Variants in ATIC observed in about 807,000 individuals in gnomAD.
The protein encoded by ATIC is 5-aminoimidazole-4-carboxamide ribonucleotide formyltransferase/IMP cyclohydrolase.
Under a neutral mutation model 72.5 loss-of-function variants are expected in ATIC, and 64 were observed. The observed-to-expected ratio is 0.88, with a 90% CI of 0.72 to 1.09. ATIC has a LOEUF of 1.09. ATIC is among the 50% of genes least tolerant of loss of function. The probability of loss-of-function intolerance (pLI) is 0.00; values close to 1 mark genes in which losing one functional copy is unlikely to be tolerated. For missense variants in ATIC, 787 were observed against 732.4 expected (o/e 1.07, Z -0.86); for synonymous variants, 281 against 267.1 (o/e 1.05, Z -0.51).
intron 8 of ATIC, among the ~76,000 whole-genome samples, chr2:215,332,875 T>A (rs779444909): frequency 6.6e-6 from 1 of 152,254 alleles, no homozygotes; most frequent in Non-Finnish European, 1.5e-5. Flanking sequence ...ATAGTCGTTG[T>A]ATGAGATACT....
At chr2:215,323,863 TCC>T (rs1192608588) in intron 4 of ATIC, among the ~76,000 whole-genome samples, 1 of 152,192 alleles carries the variant, frequency 6.6e-6, no homozygotes, top group African/African-American at 2.4e-5. Context: ...GACCTCCGCC[TCC>T]CGGGTTTAAG....
chr2:215,324,368 G>A (rs575036118), intron 4 of ATIC, among the ~76,000 whole-genome samples: 25 of 152,208 alleles, frequency 1.6e-4, no homozygotes, highest in African/African-American at 5.8e-4. Context: ...GATCCTTTTT[G>A]TACATCTATT....
At chr2:215,325,948 G>C (rs1337513015) in intron 5 of ATIC, 39 bp from the exon 6 acceptor site, 1 of 1,610,664 alleles carries the variant, frequency 6.2e-7, no homozygotes, top group Admixed American at 1.7e-5. Flanking sequence ...TAAGCTGATA[G>C]GGACATACAA....
the ATIC span, among the ~76,000 whole-genome samples, chr2:215,360,261 G>C: frequency 6.6e-6 from 1 of 152,166 alleles, no homozygotes; most frequent in Non-Finnish European, 1.5e-5. Flanking sequence ...TAATCCCAAA[G>C]TTTGTTTCCT....
the ATIC span, chr2:215,361,399 G>T: frequency 1.3e-6 from 1 of 743,210 alleles, no homozygotes; most frequent in Non-Finnish European, 2.5e-6. Context: ...GTGATGCTTG[G>T]AGAAGCTGTG....
At chr2:215,322,844 T>G (rs1300675051) in intron 4 of ATIC, among the ~76,000 whole-genome samples, 3 of 152,228 alleles carry the variant, frequency 2.0e-5, no homozygotes, top group Non-Finnish European at 2.9e-5. Context: ...CCTGCTGTTA[T>G]GCCAGTACTA....
chr2:215,322,130 T>C (rs757960420), intron 4 of ATIC, among the ~76,000 whole-genome samples: 29 of 152,092 alleles, frequency 1.9e-4, no homozygotes, highest in Non-Finnish European at 1.0e-4. Context: ...CTTGAATTCC[T>C]GACCTCGGGT....
chr2:215,364,294 C>A, the ATIC span: 5 of 176,864 alleles, frequency 2.8e-5, no homozygotes, highest in Admixed American at 1.1e-4. Context: ...CATTTTCTTA[C>A]ATCTGAGATA....
intron 7 of ATIC, among the ~76,000 whole-genome samples, chr2:215,331,003 T>C (rs1431035525): frequency 6.6e-6 from 1 of 152,216 alleles, no homozygotes; most frequent in Non-Finnish European, 1.5e-5. Flanking sequence ...AATATTTCAC[T>C]GTGTATGAAT....
chr2:215,332,638 A>G (rs2052908190), intron 8 of ATIC, 131 bp downstream of exon 8: 1 of 1,161,464 alleles, frequency 8.6e-7, no homozygotes, highest in South Asian at 1.6e-5. Context: ...TGTTGATAAC[A>G]GTATCAATGT....
At chr2:215,317,407 A>T (rs2052721448) in intron 2 of ATIC, among the ~76,000 whole-genome samples, 1 of 152,170 alleles carries the variant, frequency 6.6e-6, no homozygotes, top group Admixed American at 6.5e-5. Context: ...TTTGGGTTTA[A>T]CCCGTTATTC....
chr2:215,360,540 A>G, the ATIC span: 6 of 152,246 alleles, frequency 3.9e-5, no homozygotes, highest in Admixed American at 6.5e-5. Context: ...GGAGGGAAGA[A>G]GGGAAGAATT....
At chr2:215,358,425 T>A in the ATIC span, among the ~76,000 whole-genome samples, 2 of 152,156 alleles carry the variant, frequency 1.3e-5, no homozygotes, top group Non-Finnish European at 2.9e-5. Context: ...CCTGAATCAA[T>A]AAAAACGGCA....
downstream of ATIC, among the ~76,000 whole-genome samples, chr2:215,354,166 C>T (rs1229855931): frequency 6.6e-6 from 1 of 151,490 alleles, no homozygotes; most frequent in African/African-American, 2.4e-5. Context: ...TAGCTGGGGA[C>T]CACAGGTGTG....
intron 1 of ATIC, 143 bp downstream of exon 1, chr2:215,312,304 C>T (rs747979993): frequency 6.9e-7 from 1 of 1,448,928 alleles, no homozygotes; most frequent in East Asian, 2.5e-5. Context: ...CCGGCCGGGC[C>T]GCAGCCTGCG....
At position 215,326,138 on chromosome 2, in the gene ATIC, G is replaced by A; in HGVS notation, c.531G>A (p.Lys177=). 2 of 1,613,792 alleles carry A rather than the reference G, an allele frequency of 1.2e-6. No individual in the cohort carries two copies. Among genetic ancestry groups the A allele is most frequent in the East Asian group, 2.2e-5 (1 of 44,892 alleles). Residue 177 remains lysine, a splice_region_variant and synonymous_variant, in exon 6 of 16, where the codon AAG becomes AAA. Coordinates refer to ENST00000236959, the MANE Select transcript of ATIC (RefSeq NM_004044.7). ...SLETRRQLAL[K]AFTHTAQYDE... is the part of the protein sequence containing the mutation. ...AGACTAGACGCCAGTTAGCCTTGAA[G>A]GTGGGATGCACTTTCATGATATTGT...
downstream of ATIC, among the ~76,000 whole-genome samples, chr2:215,352,700 C>T (rs1047984847): frequency 6.6e-6 from 1 of 152,130 alleles, no homozygotes; most frequent in Admixed American, 6.5e-5. Context: ...ACCCAGTCAC[C>T]TTTAGATCTC....
chr2:215,319,014 G>A (rs1319133061), intron 3 of ATIC, among the ~76,000 whole-genome samples: 3 of 151,766 alleles, frequency 2.0e-5, no homozygotes, highest in African/African-American at 7.3e-5. Context: ...CCAAGTAGCT[G>A]GGACTATAGG....
chr2:215,326,181 T>C (rs1368336548), intron 6 of ATIC, 43 bp downstream of exon 6: 1 of 1,611,894 alleles, frequency 6.2e-7, no homozygotes, highest in Non-Finnish European at 8.5e-7. Context: ...ATCCATGGAG[T>C]GCAGTGTTTG....
Sources: gnomAD v4.1 joint callset for allele counts (sites outside exome capture counted in the v4.1 genomes callset) on GRCh38, gnomAD v4.1.1 for gene constraint, MANE v1.5 for transcripts, NCBI Gene and HGNC (gene_info 2026-07-23, HGNC 2026-07-21) for gene names.